Variants in FAM76B observed in about 807,000 individuals in gnomAD.
FAM76B encodes protein FAM76B.
FAM76B carries 16 observed loss-of-function variants against 51.8 expected under a neutral mutation model. That is an observed-to-expected ratio of 0.31 (90% CI 0.21 to 0.47). The LOEUF (loss-of-function observed/expected upper bound fraction) is 0.47, where lower values mean the gene tolerates loss of function less well. Ranked by LOEUF, FAM76B falls within the 20% of genes least tolerant of loss-of-function variation. The pLI, the probability that FAM76B is intolerant of heterozygous loss-of-function variation, is 1.00. For synonymous variants in FAM76B, 166 were observed against 129.5 expected (o/e 1.28, Z -1.91); for missense variants, 342 against 392.6 (o/e 0.87, Z 1.09).
intron 8 of FAM76B, among the ~76,000 whole-genome samples, chr11:95,776,251 C>T (rs1299480080): frequency 6.6e-6 from 1 of 151,376 alleles, no homozygotes; most frequent in East Asian, 1.9e-4. Flanking sequence ...AGTAAAACTT[C>T]TCAGTTTTCT....
At position 95,773,458 on chromosome 11, in the gene FAM76B, C is replaced by CAAAAAAAA. The variant is rs56008636; in HGVS notation, c.931-1816_931-1809dup. The stretch of plus-strand genomic sequence containing the variant: ...AAAATTACTTCATTTTGCAGCCAGC[C>CAAAAAAAA]AAAAAAAAAAAAAAAAATCAATGAA... On this transcript the variant is annotated intron_variant, in intron 9 of 9. Transcript: ENST00000358780. Among the ~76,000 whole-genome samples the CAAAAAAAA allele has an allele frequency of 1.6e-5, 2 of 127,824 alleles. 1 individual carries two copies. The highest frequency in any genetic ancestry group is 3.3e-5 in the Non-Finnish European group (2 of 60,152). The allele number at this position is 127,824 out of a possible 152,430, so 83.9% of individuals were successfully genotyped here.
Position 95,769,898 on chromosome 11 carries a change from TG to T in FAM76B, c.*1662del, listed in dbSNP as rs1859694131. On this transcript the variant is annotated 3_prime_UTR_variant, in exon 10 of 10. Transcript: ENST00000358780. The stretch of plus-strand genomic sequence containing the variant: ...CTTTCAAAATGGACAAAGAATTATT[TG>T]GTATTCACTTTATAATGAACTATGA... 6.6e-6 allele frequency: 1 copy of T among 151,518 alleles called. No individual in the cohort carries two copies. Among genetic ancestry groups the T allele is most frequent in the Non-Finnish European group, 1.5e-5 (1 of 67,598 alleles). The allele number at this position is 151,518 out of a possible 1,614,324, so 9.4% of individuals were successfully genotyped here. A position where few individuals can be genotyped will look rare whatever the true frequency, so the allele number is the denominator to read the frequency against.
At chr11:95,776,539 A>ATACCAC (rs767730598) in intron 8 of FAM76B, among the ~76,000 whole-genome samples, 28 of 151,534 alleles carry the variant, frequency 1.8e-4, no homozygotes, top group Non-Finnish European at 3.4e-4. Context: ...TATGTACACA[A>ATACCAC]TACCACCTAA....
At chr11:95,779,980 T>C in intron 5 of FAM76B, 54 bp from the exon 6 acceptor site, 1 of 1,458,242 alleles carries the variant, frequency 6.9e-7, no homozygotes, top group Non-Finnish European at 9.4e-7. Flanking sequence ...TTAATACATC[T>C]AAATTTAACA....
chr11:95,783,039 A>AGAAAATAT (rs776303598), intron 5 of FAM76B, 26 bp downstream of exon 5: 11 of 1,609,250 alleles, frequency 6.8e-6, no homozygotes, highest in Non-Finnish European at 7.6e-6. Flanking sequence ...GAAGAGTTTT[A>AGAAAATAT]GAAAATATGA....
At chr11:95,781,780 A>G (rs1364147436) in intron 5 of FAM76B, among the ~76,000 whole-genome samples, 3 of 152,206 alleles carry the variant, frequency 2.0e-5, no homozygotes, top group Non-Finnish European at 4.4e-5. Context: ...AACAGCCAGA[A>G]GAGAAGACAC....
intron 1 of FAM76B, 98 bp downstream of exon 1, chr11:95,789,294 A>T: frequency 7.4e-7 from 1 of 1,344,710 alleles, no homozygotes; most frequent in Non-Finnish European, 1.0e-6. Context: ...CAAACCCCTG[A>T]GGCGCCGGCG....
chr11:95,787,499 C>G (rs1399429978), intron 3 of FAM76B, 125 bp downstream of exon 3: 7 of 873,218 alleles, frequency 8.0e-6, no homozygotes, highest in Non-Finnish European at 1.2e-5. Context: ...CTCGGCCTCC[C>G]AAAGTGCTGG....
chr11:95,788,745 G>T, intron 1 of FAM76B, 182 bp from the exon 2 acceptor site: 3 of 1,309,646 alleles, frequency 2.3e-6, no homozygotes, highest in Non-Finnish European at 2.1e-6. Flanking sequence ...CTTAGGGAAG[G>T]CACAGGTGTC....
chr11:95,788,651 A>G, intron 1 of FAM76B, 88 bp from the exon 2 acceptor site: 2 of 1,373,204 alleles, frequency 1.5e-6, no homozygotes, highest in South Asian at 2.5e-5. Context: ...CAACCTAGTG[A>G]AAGTCTAAAA....
chr11:95,780,077 A>G (rs191606871), intron 5 of FAM76B, 151 bp from the exon 6 acceptor site: 86 of 597,480 alleles, frequency 1.4e-4, no homozygotes, highest in Non-Finnish European at 8.4e-6. Context: ...GCTAATACAT[A>G]TTGAATAAAT....
intron 9 of FAM76B, 104 bp downstream of exon 9, chr11:95,775,818 A>T: frequency 1.7e-6 from 1 of 587,768 alleles, no homozygotes; most frequent in Non-Finnish European, 2.7e-6. Flanking sequence ...AAATGCACCA[A>T]CTATGCACAA....
At chr11:95,786,821 C>G (rs1381414041) in intron 3 of FAM76B, 1 of 152,314 alleles carries the variant, frequency 6.6e-6, no homozygotes, top group Non-Finnish European at 1.5e-5. Context: ...AAAGATGATT[C>G]AGGGCAGTTT....
intron 7 of FAM76B, 169 bp downstream of exon 7, chr11:95,779,438 G>T: frequency 1.5e-6 from 1 of 652,512 alleles, no homozygotes; most frequent in South Asian, 2.6e-5. Context: ...CTTTCTTATT[G>T]CCAAAATTAA....
intron 4 of FAM76B, among the ~76,000 whole-genome samples, chr11:95,784,420 T>G (rs1049584640): frequency 6.6e-6 from 1 of 152,150 alleles, no homozygotes; most frequent in East Asian, 1.9e-4. Flanking sequence ...AACGTGCACA[T>G]GTACCCCTGA....
At chr11:95,781,435 T>TA (rs1491194315) in intron 5 of FAM76B, among the ~76,000 whole-genome samples, 3 of 151,936 alleles carry the variant, frequency 2.0e-5, no homozygotes, top group African/African-American at 4.8e-5. Context: ...TAACCAGAAG[T>TA]AAAAAAATTG....
chr11:95,774,010 A>G (rs1232523967), intron 9 of FAM76B, among the ~76,000 whole-genome samples: 1 of 151,354 alleles, frequency 6.6e-6, no homozygotes, highest in Non-Finnish European at 1.5e-5. Flanking sequence ...AAAGAATCCT[A>G]CTAGTATCAC....
At chr11:95,775,421 C>G (rs1461255780) in intron 9 of FAM76B, among the ~76,000 whole-genome samples, 1 of 151,198 alleles carries the variant, frequency 6.6e-6, no homozygotes, top group African/African-American at 2.4e-5. Flanking sequence ...TTAGCAGAAC[C>G]CTATTTGGCA....
intron 9 of FAM76B, among the ~76,000 whole-genome samples, chr11:95,775,459 G>C (rs191454722): frequency 2.2e-4 from 34 of 151,498 alleles, no homozygotes; most frequent in Non-Finnish European, 4.4e-5. Flanking sequence ...CACAGGTTAA[G>C]TAAACTCTCT....
Sources: allele counts gnomAD v4.1 joint callset (sites outside exome capture counted in the v4.1 genomes callset), GRCh38; gene constraint gnomAD v4.1.1; transcripts MANE v1.5; gene names NCBI Gene and HGNC (gene_info 2026-07-23, HGNC 2026-07-21).